The following GNG12 variants were observed in gnomAD, a reference collection of about 807,000 sequenced individuals.
The protein encoded by GNG12 is G protein subunit gamma 12.
For synonymous variants in GNG12, 28 were observed against 29.7 expected, an observed-to-expected ratio of 0.94 and a Z score of 0.19; for missense variants, 69 against 83.8, an observed-to-expected ratio of 0.82 and a Z score of 0.69.
chr1:67,723,502 T>C (rs1489325368), intron 2 of GNG12, among the ~76,000 whole-genome samples: 4 of 152,224 alleles, frequency 2.6e-5, no homozygotes. Context: ...TTAGGGGATT[T>C]TTAGTGTTGT....
intron 1 of GNG12, among the ~76,000 whole-genome samples, chr1:67,817,218 A>G (rs6671283): frequency 0.1 from 15,649 of 152,242 alleles, 1,642 homozygotes; most frequent in African/African-American, 0.27. Flanking sequence ...GAAAATTTAC[A>G]TATGTCCAGA....
At chr1:67,775,574 T>C (rs1646700169) in intron 2 of GNG12, among the ~76,000 whole-genome samples, 1 of 152,238 alleles carries the variant, frequency 6.6e-6, no homozygotes, top group Non-Finnish European at 1.5e-5. Context: ...CCAATGCCCA[T>C]GCTTCTTCTT....
chr1:67,797,656 C>T (rs1258163406), intron 1 of GNG12, among the ~76,000 whole-genome samples: 1 of 152,160 alleles, frequency 6.6e-6, no homozygotes, highest in African/African-American at 2.4e-5. Flanking sequence ...TTATTTCACT[C>T]AAATGATTCC....
intron 1 of GNG12, among the ~76,000 whole-genome samples, chr1:67,790,309 T>A (rs149486814): frequency 1.3e-5 from 2 of 152,286 alleles, no homozygotes; most frequent in East Asian, 3.9e-4. Context: ...TTTACATACA[T>A]TTTTACATAC....
intron 2 of GNG12, among the ~76,000 whole-genome samples, chr1:67,739,755 C>G (rs904098306): frequency 6.6e-6 from 1 of 152,184 alleles, no homozygotes; most frequent in Admixed American, 6.5e-5. Flanking sequence ...TGGGCATAAA[C>G]CAGACATAGT....
chr1:67,823,401 C>T (rs549416661), intron 1 of GNG12, among the ~76,000 whole-genome samples: 7 of 152,278 alleles, frequency 4.6e-5, no homozygotes, highest in Admixed American at 3.3e-4. Flanking sequence ...CTACTTTCCA[C>T]TTCTCTTGAT....
At chr1:67,813,914 T>C (rs1290458167) in intron 1 of GNG12, among the ~76,000 whole-genome samples, 1 of 151,586 alleles carries the variant, frequency 6.6e-6, no homozygotes, top group Non-Finnish European at 1.5e-5. Flanking sequence ...TATATATGTG[T>C]ATATATATAT....
intron 2 of GNG12, among the ~76,000 whole-genome samples, chr1:67,776,276 C>T (rs530373162): frequency 2.0e-5 from 3 of 152,254 alleles, no homozygotes; most frequent in South Asian, 4.1e-4. Context: ...TCTAAGTCCT[C>T]TCACACTCCA....
chr1:67,702,178 T>G lies in GNG12; in HGVS notation c.*3273A>C, dbSNP rs1234153636. ...TACAGATATAAGATTCTATTTGATT[T>G]GATGTATTTTTTCCCCATTAACAGG... On this transcript the variant is annotated 3_prime_UTR_variant, in exon 4 of 4. Coordinates refer to ENST00000370982, the MANE Select transcript of GNG12 (RefSeq NM_018841.6). The G allele has an allele frequency of 2.0e-5, 3 of 152,220 alleles. No homozygotes were observed. The highest frequency in any genetic ancestry group is 4.4e-5 in the Non-Finnish European group (3 of 68,044). 9.4% of individuals were successfully genotyped at this position (152,220 alleles called of 1,614,324 possible). A position where few individuals can be genotyped will look rare whatever the true frequency, so the allele number is the denominator to read the frequency against.
chr1:67,718,987 T>A (rs1208002157), intron 2 of GNG12, among the ~76,000 whole-genome samples: 1 of 152,248 alleles, frequency 6.6e-6, no homozygotes, highest in African/African-American at 2.4e-5. Context: ...TTCATGCCCA[T>A]TTTACAAACG....
chr1:67,790,673 T>C (rs1646797228), intron 1 of GNG12, among the ~76,000 whole-genome samples: 1 of 150,980 alleles, frequency 6.6e-6, no homozygotes, highest in Non-Finnish European at 1.5e-5. Context: ...GCAGTGGCAC[T>C]ATCTCGGCTC....
intron 1 of GNG12, among the ~76,000 whole-genome samples, chr1:67,829,087 C>T (rs1296554452): frequency 6.6e-6 from 1 of 151,984 alleles, no homozygotes; most frequent in African/African-American, 2.4e-5. Context: ...TATATAGGCG[C>T]ATTGTGGAAA....
At chr1:67,782,057 A>C (rs1646740483) in intron 1 of GNG12, among the ~76,000 whole-genome samples, 1 of 152,200 alleles carries the variant, frequency 6.6e-6, no homozygotes, top group Non-Finnish European at 1.5e-5. Context: ...ATGCAACAGC[A>C]CAGGTACTAT....
intron 2 of GNG12, among the ~76,000 whole-genome samples, chr1:67,712,768 T>C (rs1646303223): frequency 6.6e-6 from 1 of 151,624 alleles, no homozygotes; most frequent in South Asian, 2.1e-4. Flanking sequence ...AAGGAAAGGA[T>C]TAATTCCAAT....
At chr1:67,738,769 TC>T (rs1229383386) in intron 2 of GNG12, among the ~76,000 whole-genome samples, 1 of 152,210 alleles carries the variant, frequency 6.6e-6, no homozygotes, top group Non-Finnish European at 1.5e-5. Context: ...TCTTAGCTAC[TC>T]CTGAAGCTGG....
chr1:67,731,121 C>T (rs1414310337), intron 2 of GNG12, among the ~76,000 whole-genome samples: 1 of 152,052 alleles, frequency 6.6e-6, no homozygotes, highest in Non-Finnish European at 1.5e-5. Context: ...TTTTTCCCCC[C>T]AGAAAGCCCT....
chr1:67,784,843 G>C (rs1425753201), intron 1 of GNG12, among the ~76,000 whole-genome samples: 1 of 152,092 alleles, frequency 6.6e-6, no homozygotes. Context: ...CTATGATATT[G>C]CTTCTTGGCA....
Position 67,794,071 on chromosome 1 carries a change from G to T in GNG12, c.-76-16564C>A, listed in dbSNP as rs539148955. ...ACAGAATCTTAAGGCACCAAATGGG[G>T]GCTCGCAAATCCTGAATCCCTTAAC... On this transcript the variant is annotated intron_variant, in intron 1 of 3. Coordinates refer to ENST00000370982, the MANE Select transcript of GNG12 (RefSeq NM_018841.6). 3.9e-5 allele frequency among the ~76,000 whole-genome samples: 6 copies of T among 152,224 alleles called. No homozygotes were observed. In the East Asian group the frequency reaches 1.2e-3, roughly 29 times the overall value.
chr1:67,722,893 C>T (rs189953668), intron 2 of GNG12, among the ~76,000 whole-genome samples: 6 of 152,216 alleles, frequency 3.9e-5, no homozygotes, highest in African/African-American at 1.4e-4. Context: ...GGGATTCTGC[C>T]ACTTAATGTT....
Sources: allele counts gnomAD v4.1 joint callset (sites outside exome capture counted in the v4.1 genomes callset), GRCh38; gene constraint gnomAD v4.1.1; transcripts MANE v1.5; gene names NCBI Gene and HGNC (gene_info 2026-07-23, HGNC 2026-07-21).